RRP15: variants seen among roughly 807,000 people sequenced by gnomAD.
RRP15 encodes the protein RRP15-like protein.
Under a neutral mutation model 27.1 loss-of-function variants are expected in RRP15, and 18 were observed. The observed-to-expected ratio is 0.66, with a 90% CI of 0.46 to 0.98. The LOEUF (loss-of-function observed/expected upper bound fraction) is 0.98, where lower values mean the gene tolerates loss of function less well. Among genes scored for constraint, RRP15 ranks in the 50% least tolerant of loss-of-function variants. The probability of loss-of-function intolerance (pLI) is 0.00; values close to 1 mark genes in which losing one functional copy is unlikely to be tolerated. For missense variants in RRP15, 359 were observed against 337.8 expected (o/e 1.06, Z -0.49); for synonymous variants, 107 against 109.4 (o/e 0.98, Z 0.14).
intron 3 of RRP15, among the ~76,000 whole-genome samples, chr1:218,307,081 G>C (rs2102501407): frequency 6.6e-6 from 1 of 152,302 alleles, no homozygotes; most frequent in South Asian, 2.1e-4. Context: ...CATAACACAA[G>C]AGTTGCAGAT....
intron 4 of RRP15, among the ~76,000 whole-genome samples, chr1:218,325,294 CTTCTTT>C (rs1656255581): frequency 6.6e-6 from 1 of 152,168 alleles, no homozygotes; most frequent in South Asian, 2.1e-4. Context: ...TGGCTGTTTC[CTTCTTT>C]TTCCTTTGGT....
chr1:218,317,525 A>G (rs1656108764), intron 4 of RRP15, among the ~76,000 whole-genome samples: 1 of 152,230 alleles, frequency 6.6e-6, no homozygotes. Flanking sequence ...GTTATGTAAG[A>G]TAAAATGTTA....
At position 218,331,651 on chromosome 1, in the gene RRP15, C is replaced by CTTTTTTTTTT. The variant is rs34150523; in HGVS notation, c.*590_*599dup. On this transcript the variant is annotated 3_prime_UTR_variant, in exon 5 of 5. Coordinates refer to ENST00000366932, the MANE Select transcript of RRP15 (RefSeq NM_016052.4). ...TGATTTAAGAAACAACAGATTTCAA[C>CTTTTTTTTTT]TTTTTTTTTTTTTTTTTTTTTTTTT... 17 of 35,650 alleles carry CTTTTTTTTTT rather than the reference C, an allele frequency of 4.8e-4. 5 individuals carry two copies. Among genetic ancestry groups the CTTTTTTTTTT allele is most frequent in the Non-Finnish European group, 8.0e-4 (14 of 17,534 alleles). 2.2% of individuals were successfully genotyped at this position (35,650 alleles called of 1,614,324 possible).
chr1:218,321,656 ACT>A, intron 4 of RRP15, among the ~76,000 whole-genome samples: 1 of 152,206 alleles, frequency 6.6e-6, no homozygotes, highest in East Asian at 1.9e-4. Flanking sequence ...CAAATCCAGA[ACT>A]CTCTTTTTAT....
intron 4 of RRP15, among the ~76,000 whole-genome samples, chr1:218,308,062 CTTTTTTTTTTTTTTT>C (rs56813511): frequency 1.6e-4 from 11 of 66,906 alleles, no homozygotes; most frequent in African/African-American, 5.1e-4. Context: ...TTCTTTCTTT[CTTTTTTTTTTTTTTT>C]TTTTTTTTTT....
intron 4 of RRP15, among the ~76,000 whole-genome samples, chr1:218,318,140 T>A (rs1656119239): frequency 6.6e-6 from 1 of 152,212 alleles, no homozygotes; most frequent in African/African-American, 2.4e-5. Flanking sequence ...ACTGTGTTTG[T>A]GTTAATAGCT....
chr1:218,310,062 G>A (rs1184793596), intron 4 of RRP15, among the ~76,000 whole-genome samples: 1 of 152,142 alleles, frequency 6.6e-6, no homozygotes, highest in East Asian at 1.9e-4. Flanking sequence ...GTGCCAAAGT[G>A]CTATTCAGAA....
At chr1:218,298,457 C>A (rs1335993206) in intron 1 of RRP15, among the ~76,000 whole-genome samples, 1 of 152,106 alleles carries the variant, frequency 6.6e-6, no homozygotes, top group East Asian at 1.9e-4. Flanking sequence ...CTTTCTTGGC[C>A]ATCACTCATA....
At chr1:218,314,628 G>GTT (rs1004993419) in intron 4 of RRP15, among the ~76,000 whole-genome samples, 1 of 151,116 alleles carries the variant, frequency 6.6e-6, no homozygotes, top group Non-Finnish European at 1.5e-5. Flanking sequence ...TCAATTTCAG[G>GTT]TTTTTTTTTA....
At position 218,322,198 on chromosome 1, in the gene RRP15, CT is replaced by C. The variant is rs370501993; in HGVS notation, c.706-8747del. ...TCTGTGTTTGGGTATAGACTCAGCT[CT>C]TTATTAACTCTGAACTTGAATAATT... On this transcript the variant is annotated intron_variant, in intron 4 of 4. Coordinates refer to ENST00000366932, the MANE Select transcript of RRP15 (RefSeq NM_016052.4). 1.4e-3 allele frequency among the ~76,000 whole-genome samples: 215 copies of C among 152,280 alleles called. 1 individual carries two copies. Among genetic ancestry groups the C allele is most frequent in the African/African-American group, 4.8e-3 (200 of 41,566 alleles).
At chr1:218,318,779 T>A (rs3121580) in intron 4 of RRP15, among the ~76,000 whole-genome samples, 2 of 151,114 alleles carry the variant, frequency 1.3e-5, no homozygotes, top group Non-Finnish European at 2.9e-5. Flanking sequence ...CCTCCCCACC[T>A]CCCAGTTAGA....
chr1:218,285,406 CG>C lies in RRP15; in HGVS notation c.91del (p.Val31Ter), dbSNP rs756137483. 6.2e-7 allele frequency: 1 copy of C among 1,614,106 alleles called. No individual in the cohort carries two copies. On this transcript the variant is annotated frameshift_variant, in exon 1 of 5. Transcript: ENST00000366932. LOFTEE classifies it high-confidence loss of function. ...KKKMKMVTGA[V>X]ASVLEDEATD... ...AGAAGATGAAAATGGTAACTGGAGC[CG>C]TAGCGTCGGTGCTGGAAGACGAGGC...
intron 3 of RRP15, among the ~76,000 whole-genome samples, chr1:218,306,814 A>G (rs371200975): frequency 6.6e-6 from 1 of 152,230 alleles, no homozygotes; most frequent in South Asian, 2.1e-4. Flanking sequence ...TGTGGTCAGT[A>G]TGAAGCAGTT....
chr1:218,294,783 A>G (rs1655695418), intron 1 of RRP15, among the ~76,000 whole-genome samples: 1 of 152,040 alleles, frequency 6.6e-6, no homozygotes, highest in African/African-American at 2.4e-5. Flanking sequence ...CCAAACTTCT[A>G]TTCCTGTCTT....
chr1:218,328,650 G>C lies in RRP15; in HGVS notation c.706-2298G>C, dbSNP rs552298039. ...TGCACTCCAGCCTGGGCGACAGAGC[G>C]AGACTCCGTCTCAAAAAAAAAAAAA... On this transcript the variant is annotated intron_variant, in intron 4 of 4. Transcript: ENST00000366932. Among the ~76,000 whole-genome samples the C allele has an allele frequency of 9.9e-5, 15 of 151,862 alleles. No individual in the cohort carries two copies. In the East Asian group the frequency reaches 2.5e-3, roughly 26 times the overall value.
chr1:218,287,893 A>G (rs1251176452), intron 1 of RRP15, among the ~76,000 whole-genome samples: 1 of 152,208 alleles, frequency 6.6e-6, no homozygotes. Context: ...TCTAGGCTTT[A>G]GAAGGATGAA....
At chr1:218,323,663 G>C (rs1656224924) in intron 4 of RRP15, among the ~76,000 whole-genome samples, 3 of 152,316 alleles carry the variant, frequency 2.0e-5, no homozygotes, top group South Asian at 4.1e-4. Flanking sequence ...CGCCCAGACT[G>C]TTCTGGCCAA....
intron 4 of RRP15, among the ~76,000 whole-genome samples, chr1:218,310,854 T>A (rs938844326): frequency 6.6e-6 from 1 of 152,084 alleles, no homozygotes; most frequent in African/African-American, 2.4e-5. Flanking sequence ...GTTCAAGCGA[T>A]TCTCCTGTCT....
chr1:218,297,370 G>A (rs1473002819), intron 1 of RRP15, among the ~76,000 whole-genome samples: 1 of 152,100 alleles, frequency 6.6e-6, no homozygotes, highest in East Asian at 1.9e-4. Flanking sequence ...CTCATTGTAT[G>A]TGTCTGTGAG....
Sources: gnomAD v4.1 joint callset for allele counts (sites outside exome capture counted in the v4.1 genomes callset) on GRCh38, gnomAD v4.1.1 for gene constraint, MANE v1.5 for transcripts, NCBI Gene and HGNC (gene_info 2026-07-23, HGNC 2026-07-21) for gene names.